The following TP63 variants were observed in gnomAD, a reference collection of about 807,000 sequenced individuals.
The protein encoded by TP63 is tumor protein 63.
TP63 carries 17 observed loss-of-function variants against 82.8 expected under a neutral mutation model. That is an observed-to-expected ratio of 0.21 (90% CI 0.14 to 0.31). The LOEUF (loss-of-function observed/expected upper bound fraction) is 0.31, where lower values mean the gene tolerates loss of function less well. Ranked by LOEUF, TP63 falls within the 10% of genes least tolerant of loss-of-function variation. TP63 has a pLI of 1.00. For synonymous variants in TP63, 330 were observed against 321.7 expected (o/e 1.03, Z -0.28); for missense variants, 648 against 895.3 (o/e 0.72, Z 3.52).
At chr3:189,862,322 T>C (rs1199730593) in intron 4 of TP63, among the ~76,000 whole-genome samples, 5 of 152,136 alleles carry the variant, frequency 3.3e-5, no homozygotes, top group African/African-American at 1.2e-4. Context: ...TTATTTATCA[T>C]TAATTAAGCT....
At chr3:189,801,164 T>C (rs1726267549) in intron 3 of TP63, among the ~76,000 whole-genome samples, 1 of 152,174 alleles carries the variant, frequency 6.6e-6, no homozygotes, top group South Asian at 2.1e-4. Flanking sequence ...CAGTATGGTA[T>C]GCTTAACATA....
intron 1 of TP63, among the ~76,000 whole-genome samples, chr3:189,707,170 A>T (rs1718266509): frequency 1.3e-5 from 2 of 152,244 alleles, no homozygotes; most frequent in African/African-American, 2.4e-5. Flanking sequence ...TTTAAAAACC[A>T]TCTACTATTT....
intron 3 of TP63, among the ~76,000 whole-genome samples, chr3:189,785,513 C>G (rs1428588413): frequency 6.6e-6 from 1 of 151,952 alleles, no homozygotes; most frequent in Non-Finnish European, 1.5e-5. Context: ...TTAACTTCAA[C>G]TAGGGTTTAG....
At chr3:189,874,124 C>CA (rs1390811395) in intron 10 of TP63, among the ~76,000 whole-genome samples, 1 of 152,142 alleles carries the variant, frequency 6.6e-6, no homozygotes, top group South Asian at 2.1e-4. Context: ...GGTAGGAGTG[C>CA]AGTGGCACTT....
At chr3:189,625,891 G>T in the TP63 span, among the ~76,000 whole-genome samples, 2 of 152,162 alleles carry the variant, frequency 1.3e-5, no homozygotes, top group Non-Finnish European at 2.9e-5. Flanking sequence ...TATCAGGTTT[G>T]TCTGTTAAAG....
intron 1 of TP63, among the ~76,000 whole-genome samples, chr3:189,714,725 A>G (rs1009059437): frequency 2.6e-5 from 4 of 152,216 alleles, no homozygotes; most frequent in African/African-American, 9.7e-5. Flanking sequence ...GAAGAAGGGC[A>G]TACATAAATG....
rs187055877 is a variant in TP63 at position 189,741,860 on chromosome 3, G to T, written c.324+3086G>T. 1.2e-4 allele frequency among the ~76,000 whole-genome samples: 19 copies of T among 152,328 alleles called. No homozygotes were observed. In the East Asian group the frequency reaches 3.7e-3, roughly 29 times the overall value. On this transcript the variant is annotated intron_variant, in intron 3 of 13. Coordinates refer to ENST00000264731, the MANE Select transcript of TP63 (RefSeq NM_003722.5). ...ATGAAAAATGAACTCCATTGGGTTA[G>T]TAAGTAAAGGTGAGTGGAGGCTCTC...
intron 3 of TP63, among the ~76,000 whole-genome samples, chr3:189,805,690 G>A (rs1045745613): frequency 6.6e-6 from 1 of 152,146 alleles, no homozygotes; most frequent in Non-Finnish European, 1.5e-5. Context: ...AAAGGAGCAT[G>A]GCTTATTTTG....
chr3:189,803,359 T>C (rs571840293), intron 3 of TP63, among the ~76,000 whole-genome samples: 1 of 152,330 alleles, frequency 6.6e-6, no homozygotes, highest in South Asian at 2.1e-4. Flanking sequence ...AAAACACAAA[T>C]TATAGGTAAA....
the TP63 span, among the ~76,000 whole-genome samples, chr3:189,617,900 G>T: frequency 5.4e-4 from 82 of 152,240 alleles, no homozygotes; most frequent in Non-Finnish European, 8.4e-4. Flanking sequence ...GAGTTGGATT[G>T]TAATAATAAA....
At chr3:189,774,771 G>T (rs531062582) in intron 3 of TP63, among the ~76,000 whole-genome samples, 2 of 151,978 alleles carry the variant, frequency 1.3e-5, no homozygotes, top group Non-Finnish European at 2.9e-5. Context: ...TTTGACTCCC[G>T]GCCAAGTATG....
intron 1 of TP63, among the ~76,000 whole-genome samples, chr3:189,652,901 A>G (rs1332615263): frequency 6.8e-6 from 1 of 146,770 alleles, no homozygotes; most frequent in African/African-American, 2.6e-5. Flanking sequence ...TGCTTCTCCT[A>G]CTGCCATGAC....
In TP63 at chr3:189,654,469, A is replaced by G. The variant is rs1713159639; in HGVS notation, c.62+22892A>G. ...AAGAAGCTCATGTTACTATTTAGGAATTTTACTAAGGAGTAAAAAATAAAC... is the reference window on the plus strand; with the variant it reads ...AAGAAGCTCATGTTACTATTTAGGAGTTTTACTAAGGAGTAAAAAATAAAC... On this transcript the variant is annotated intron_variant, in intron 1 of 13. Transcript: ENST00000264731. Among the ~76,000 whole-genome samples the G allele has an allele frequency of 2.6e-5, 4 of 152,298 alleles. No individual in the cohort carries two copies. The South Asian group carries it at 8.3e-4, about 32-fold the overall frequency.
At chr3:189,779,912 G>A (rs1039478322) in intron 3 of TP63, among the ~76,000 whole-genome samples, 7 of 152,128 alleles carry the variant, frequency 4.6e-5, no homozygotes, top group Non-Finnish European at 8.8e-5. Flanking sequence ...ATTGGGCATC[G>A]CCCTTGCTCT....
At chr3:189,622,214 C>T in the TP63 span, among the ~76,000 whole-genome samples, 4 of 152,160 alleles carry the variant, frequency 2.6e-5, no homozygotes, top group East Asian at 1.9e-4. Flanking sequence ...GGCTGGCATT[C>T]GCAGGGCTTA....
chr3:189,771,446 GTATTA>G lies in TP63; in HGVS notation c.324+32678_324+32682del, dbSNP rs538932294. ...TTATATATAAATCTATAATATAAATGTATTATATTAAATATATAATATTTAATATA... is the reference window on the plus strand; with the variant it reads ...TTATATATAAATCTATAATATAAATGTATTAAATATATAATATTTAATATA... On this transcript the variant is annotated intron_variant, in intron 3 of 13. Transcript: ENST00000264731. 9.7e-3 allele frequency among the ~76,000 whole-genome samples: 1,329 copies of G among 137,570 alleles called. 23 individuals are homozygous for G. Among genetic ancestry groups the G allele is most frequent in the African/African-American group, 0.032 (1,211 of 37,278 alleles). The allele number at this position is 137,570 out of a possible 152,430, so 90.3% of individuals were successfully genotyped here.
chr3:189,820,000 C>T (rs911070553), intron 4 of TP63, among the ~76,000 whole-genome samples: 44 of 152,184 alleles, frequency 2.9e-4, no homozygotes, highest in Non-Finnish European at 8.8e-5. Flanking sequence ...CCACCCGCCT[C>T]GGCCTCCCAA....
intron 3 of TP63, among the ~76,000 whole-genome samples, chr3:189,764,854 A>G (rs1722822608): frequency 6.6e-6 from 1 of 152,208 alleles, no homozygotes; most frequent in African/African-American, 2.4e-5. Flanking sequence ...CAGAAAATAA[A>G]CTAGAAATAA....
chr3:189,857,091 A>G (rs990227680), intron 4 of TP63, among the ~76,000 whole-genome samples: 1 of 152,148 alleles, frequency 6.6e-6, no homozygotes, highest in African/African-American at 2.4e-5. Context: ...AAAGAACAAA[A>G]TTGCAAGAAT....
Sources: allele counts gnomAD v4.1 joint callset (sites outside exome capture counted in the v4.1 genomes callset), GRCh38; gene constraint gnomAD v4.1.1; transcripts MANE v1.5; gene names NCBI Gene and HGNC (gene_info 2026-07-23, HGNC 2026-07-21).